Variants in TRPC5 observed in about 807,000 individuals in gnomAD.
TRPC5 encodes transient receptor potential cation channel subfamily C member 5, also known as short transient receptor potential channel 5.
Under a neutral mutation model 56.5 loss-of-function variants are expected in TRPC5, and 9 were observed. That is an observed-to-expected ratio of 0.16 (90% confidence interval 0.10 to 0.28). The LOEUF (loss-of-function observed/expected upper bound fraction) is 0.28, where lower values mean the gene tolerates loss of function less well. TRPC5 is among the 10% of genes least tolerant of loss of function. TRPC5 has a pLI of 1.00. For missense variants in TRPC5, 469 were observed against 748.9 expected (o/e 0.63, Z 4.36); for synonymous variants, 282 against 278.5 (o/e 1.01, Z -0.13).
intron 2 of TRPC5, among the ~76,000 whole-genome samples, chrX:111,939,740 A>G (rs1269982648): frequency 9.0e-6 from 1 of 111,390 alleles, no homozygotes; most frequent in Non-Finnish European, 1.9e-5. Flanking sequence ...CATCAGTTGT[A>G]GTTTCTCATT....
chrX:111,853,699 C>T (rs906005110), intron 4 of TRPC5, 71 bp downstream of exon 4: 3 of 1,058,372 alleles, frequency 2.8e-6, no homozygotes, highest in Non-Finnish European at 3.9e-6. Flanking sequence ...AGTCTGACTG[C>T]CTGTTCTAGT....
intron 7 of TRPC5, 144 bp from the exon 8 acceptor site, chrX:111,782,282 A>T (rs1945925834): frequency 2.3e-6 from 1 of 442,439 alleles, no homozygotes; most frequent in South Asian, 4.7e-5. Flanking sequence ...CCTGTCACCC[A>T]GTAACCCTAC....
chrX:111,939,424 A>T (rs1000228304), intron 2 of TRPC5, among the ~76,000 whole-genome samples: 6 of 111,320 alleles, frequency 5.4e-5, no homozygotes, highest in Non-Finnish European at 1.1e-4. Context: ...AATGAATTAG[A>T]AATATTCTCT....
At chrX:111,811,411 T>C (rs1921701705) in intron 7 of TRPC5, among the ~76,000 whole-genome samples, 1 of 112,810 alleles carries the variant, frequency 8.9e-6, no homozygotes. Flanking sequence ...GTGCACACGC[T>C]TGCGCGTGCA....
At chrX:111,965,698 A>G (rs1927542636) in intron 1 of TRPC5, among the ~76,000 whole-genome samples, 2 of 112,191 alleles carry the variant, frequency 1.8e-5, no homozygotes, top group Non-Finnish European at 3.8e-5. Flanking sequence ...CTACATGGAA[A>G]CTGAACAACC....
intron 2 of TRPC5, among the ~76,000 whole-genome samples, chrX:111,944,731 G>A (rs1378036388): frequency 9.0e-6 from 1 of 111,463 alleles, no homozygotes; most frequent in African/African-American, 3.3e-5. Context: ...GAAAGATACA[G>A]AGGAGAACTC....
intron 7 of TRPC5, among the ~76,000 whole-genome samples, chrX:111,804,196 T>A (rs1400301213): frequency 8.9e-6 from 1 of 112,053 alleles, no homozygotes; most frequent in Admixed American, 9.5e-5. Context: ...CTCTGTTCTG[T>A]TCCATTGGTC....
chrX:111,809,847 A>G (rs1196594466), intron 7 of TRPC5, among the ~76,000 whole-genome samples: 1 of 108,170 alleles, frequency 9.2e-6, no homozygotes, highest in Non-Finnish European at 1.9e-5. Flanking sequence ...CATTATTATT[A>G]TTAACTATGG....
chrX:111,989,619 T>C (rs757442714), intron 1 of TRPC5, among the ~76,000 whole-genome samples: 15 of 112,235 alleles, frequency 1.3e-4, no homozygotes, highest in African/African-American at 4.8e-4. Context: ...ATTCTAGTTT[T>C]AGTTGTACCA....
At position 111,954,364 on chromosome X, in the gene TRPC5, G is replaced by A. The variant is rs138173375; in HGVS notation, c.-21-1923C>T. 6.6e-3 allele frequency among the ~76,000 whole-genome samples: 735 copies of A among 111,877 alleles called. 8 individuals carry two copies. Among genetic ancestry groups the A allele is most frequent in the African/African-American group, 0.023 (700 of 30,782 alleles). On this transcript the variant is annotated intron_variant, in intron 1 of 10. Transcript: ENST00000262839. Reference sequence around the variant, plus strand: ...AAACAATACAACCCTGCTCATTGAAGGCTGGAGGCCTCACAGAAAGTTTCA... The same window carrying A: ...AAACAATACAACCCTGCTCATTGAAAGCTGGAGGCCTCACAGAAAGTTTCA...
chrX:111,858,020 T>G (rs1923289593), intron 3 of TRPC5, among the ~76,000 whole-genome samples: 1 of 112,598 alleles, frequency 8.9e-6, no homozygotes, highest in African/African-American at 3.2e-5. Context: ...AATTTTAAAG[T>G]TGGACAGGTT....
At chrX:111,778,881 T>C (rs993331152) in intron 10 of TRPC5, 104 bp downstream of exon 10, 1 of 517,840 alleles carries the variant, frequency 1.9e-6, no homozygotes, top group Non-Finnish European at 3.1e-6. Flanking sequence ...GGCTTTGCTA[T>C]ATTGTAAGCA....
chrX:111,800,494 G>C (rs997804656), intron 7 of TRPC5, among the ~76,000 whole-genome samples: 1 of 110,984 alleles, frequency 9.0e-6, no homozygotes, highest in Non-Finnish European at 1.9e-5. Flanking sequence ...GCCAGGCATG[G>C]TGGCTCATGC....
chrX:111,792,735 A>G (rs181804168), intron 7 of TRPC5, among the ~76,000 whole-genome samples: 1 of 112,119 alleles, frequency 8.9e-6, no homozygotes, highest in East Asian at 2.8e-4. Context: ...TCTTCACTGA[A>G]CTTTAAGCTA....
intron 7 of TRPC5, among the ~76,000 whole-genome samples, chrX:111,818,436 G>C (rs1042208053): frequency 3.6e-5 from 4 of 111,075 alleles, no homozygotes; most frequent in Non-Finnish European, 3.8e-5. Context: ...ACTGAGGTTA[G>C]AGACTTTGTC....
intron 1 of TRPC5, among the ~76,000 whole-genome samples, chrX:111,993,122 G>A (rs1401974611): frequency 9.9e-6 from 1 of 100,612 alleles, no homozygotes; most frequent in African/African-American, 3.7e-5. Context: ...TCATTGTTCA[G>A]TTCCTGCCTA....
chrX:111,834,461 C>G (rs1460876242), intron 7 of TRPC5, among the ~76,000 whole-genome samples: 1 of 110,848 alleles, frequency 9.0e-6, no homozygotes, highest in Non-Finnish European at 1.9e-5. Flanking sequence ...GCCCCCTCCC[C>G]TCTCTGTCTC....
At chrX:111,878,265 A>T (rs1924051113) in intron 3 of TRPC5, among the ~76,000 whole-genome samples, 3 of 110,711 alleles carry the variant, frequency 2.7e-5, no homozygotes. Flanking sequence ...AAATTTAAAA[A>T]TGCTCCTATA....
At chrX:111,834,885 C>A in intron 7 of TRPC5, 36 bp downstream of exon 7, 1 of 1,130,623 alleles carries the variant, frequency 8.8e-7, no homozygotes, top group South Asian at 2.2e-5. Context: ...CAACCTGAAA[C>A]CAAAGTAAGC....
Sources: gnomAD v4.1 joint callset for allele counts (sites outside exome capture counted in the v4.1 genomes callset) on GRCh38, gnomAD v4.1.1 for gene constraint, MANE v1.5 for transcripts, NCBI Gene and HGNC (gene_info 2026-07-23, HGNC 2026-07-21) for gene names.